The following GNRHR variants were observed in gnomAD, a reference collection of about 807,000 sequenced individuals.
GNRHR encodes the protein gonadotropin-releasing hormone receptor.
GNRHR carries 14 observed loss-of-function variants against 28.1 expected under a neutral mutation model. The observed-to-expected ratio is 0.50, with a 90% CI of 0.33 to 0.78. The LOEUF (loss-of-function observed/expected upper bound fraction) is 0.78, where lower values mean the gene tolerates loss of function less well. Among genes scored for constraint, GNRHR ranks in the 30% least tolerant of loss-of-function variants. The pLI, the probability that GNRHR is intolerant of heterozygous loss-of-function variation, is 0.02. For missense variants in GNRHR, 366 were observed against 382.1 expected, an observed-to-expected ratio of 0.96 and a Z score of 0.35; for synonymous variants, 141 against 140.5, an observed-to-expected ratio of 1.00 and a Z score of -0.02.
In GNRHR at chr4:67,738,252, G is replaced by A. The variant is rs539335431; in HGVS notation, c.*2228C>T. ...TTTATATATATACAAAGTCAACTAG[G>A]ACTTCTTAACCTTTTTTTGTGCTAT... On this transcript the variant is annotated 3_prime_UTR_variant, in exon 3 of 3. Transcript: ENST00000226413. Among the ~76,000 whole-genome samples, 1 of 151,556 alleles carries A rather than the reference G, an allele frequency of 6.6e-6. No homozygotes were observed. Among genetic ancestry groups the A allele is most frequent in the South Asian group, 2.1e-4 (1 of 4,798 alleles).
chr4:67,743,056 G>A (rs777522760), intron 2 of GNRHR, among the ~76,000 whole-genome samples: 4 of 151,976 alleles, frequency 2.6e-5, no homozygotes, highest in Non-Finnish European at 5.9e-5. Flanking sequence ...GGGTTCAAGT[G>A]ATTCTCTTGC....
intron 2 of GNRHR, among the ~76,000 whole-genome samples, chr4:67,743,479 C>T (rs1218295535): frequency 2.0e-5 from 3 of 152,176 alleles, no homozygotes; most frequent in Admixed American, 2.0e-4. Flanking sequence ...AGGATACTTA[C>T]TAGGTTTTTC....
At chr4:67,748,149 T>A (rs879706196) in intron 1 of GNRHR, among the ~76,000 whole-genome samples, 21 of 152,152 alleles carry the variant, frequency 1.4e-4, no homozygotes, top group Admixed American at 8.5e-4. Flanking sequence ...TTTTTCACAG[T>A]CAATTGCAGT....
At chr4:67,740,787 A>G (rs1731645383) in intron 2 of GNRHR, 63 bp from the exon 3 acceptor site, 1 of 1,195,676 alleles carries the variant, frequency 8.4e-7, no homozygotes, top group African/African-American at 1.5e-5. Flanking sequence ...CAAAGTGGAC[A>G]AAAAGGAAGA....
At chr4:67,742,216 G>A (rs1341212454) in intron 2 of GNRHR, among the ~76,000 whole-genome samples, 3 of 152,126 alleles carry the variant, frequency 2.0e-5, no homozygotes, top group Non-Finnish European at 4.4e-5. Flanking sequence ...TCCATCTTGA[G>A]TTGATTTTTG....
chr4:67,748,068 C>T (rs1389288856), intron 1 of GNRHR, among the ~76,000 whole-genome samples: 2 of 151,938 alleles, frequency 1.3e-5, no homozygotes, highest in African/African-American at 4.8e-5. Context: ...TATTTCTCCT[C>T]TCTTGCCCCT....
Position 67,740,588 on chromosome 4 carries a change from A to T in GNRHR, c.879T>A (p.Asp293Glu), listed in dbSNP as rs1275111761. ...CTGACAACCTGTTTAACATTTCAGG[A>T]TCAAACCAATACCAAATTCCTAGGA... is the stretch of plus-strand genomic sequence containing the variant. ...YYVLGIWYWF[D>E]PEMLNRLSDP... Residue 293 changes from aspartate (D) to glutamate (E), a missense_variant, in exon 3 of 3, where the codon GAT becomes GAA. Transcript: ENST00000226413. The T allele has an allele frequency of 6.2e-7, 1 of 1,612,786 alleles. No individual in the cohort carries two copies. Among genetic ancestry groups the T allele is most frequent in the Admixed American group, 1.7e-5 (1 of 59,996 alleles).
In GNRHR at chr4:67,753,881, T is replaced by C. The variant is rs182806311; in HGVS notation, c.455A>G (p.Asn152Ser). 1.6e-4 allele frequency: 258 copies of C among 1,614,020 alleles called. No homozygotes were observed. The highest frequency in any genetic ancestry group is 2.0e-4 in the Non-Finnish European group (240 of 1,179,968). The change falls in exon 1 of 3, where the codon AAC becomes AGC. Residue 152 changes from asparagine to serine, a missense_variant. By Grantham distance (46) the Asn-to-Ser change is conservative. Coordinates refer to ENST00000226413, the MANE Select transcript of GNRHR (RefSeq NM_000406.3). ...AITRPLALKS[N>S]SKVGQSMVGL... ...AACCATGGACTGTCCGACTTTGCTG[T>C]TGCTTTTCAAAGCTAGGGGCCTCGT...
In GNRHR at chr4:67,754,088, A is replaced by G; in HGVS notation, c.248T>C (p.Leu83Pro). 6.2e-7 allele frequency: 1 copy of G among 1,614,250 alleles called. No individual in the cohort carries two copies. The change falls in exon 1 of 3, where the codon CTG (leucine) becomes CCG (proline). Residue 83 changes from leucine (L) to proline (P), a missense_variant. Leu to Pro is a moderately conservative substitution (Grantham distance 98). Transcript: ENST00000226413. ...AGTCTCCAACAGGTTGGCTAAGGTC[A>G]GATGTTTTAAGAGCAGCTTCATTCT... is the stretch of plus-strand genomic sequence containing the variant. Reference protein sequence around the residue: ...LSRMKLLLKHLTLANLLETLI... With the variant: ...LSRMKLLLKHPTLANLLETLI...
chr4:67,751,729 C>T (rs181167112), intron 1 of GNRHR: 177 of 152,300 alleles, frequency 1.2e-3, no homozygotes, highest in African/African-American at 4.0e-3. Context: ...GTTTGCCCTT[C>T]AGTTATTATT....
rs1731611202 is a variant in GNRHR at position 67,739,256 on chromosome 4, A to G, written c.*1224T>C. 1 of 151,996 alleles carries G rather than the reference A, an allele frequency of 6.6e-6. No individual in the cohort carries two copies. Among genetic ancestry groups the G allele is most frequent in the Non-Finnish European group, 1.5e-5 (1 of 67,894 alleles). 9.4% of individuals were successfully genotyped at this position (151,996 alleles called of 1,614,324 possible). ...CTTGTTGTGCAGACATATTTTGGAA[A>G]CCATACTATTTAATGTGAATATCAG... On this transcript the variant is annotated 3_prime_UTR_variant, in exon 3 of 3. Coordinates refer to ENST00000226413, the MANE Select transcript of GNRHR (RefSeq NM_000406.3).
At position 67,753,070 on chromosome 4, in the gene GNRHR, T is replaced by C. The variant is rs146091435; in HGVS notation, c.522+744A>G. On this transcript the variant is annotated intron_variant, in intron 1 of 2. Transcript: ENST00000226413. ...TGGCAGGTTCAGCAGGTCAGTTAAC[T>C]AGGCTGCTTCTGGTGAAGGCAACCT... Among the ~76,000 whole-genome samples the C allele has an allele frequency of 3.5e-3, 531 of 152,354 alleles. 5 individuals are homozygous for C. Among genetic ancestry groups the C allele is most frequent in the African/African-American group, 0.012 (499 of 41,590 alleles).
intron 1 of GNRHR, 168 bp downstream of exon 1, chr4:67,753,646 G>A: frequency 1.6e-6 from 1 of 634,926 alleles, no homozygotes; most frequent in Non-Finnish European, 2.8e-6. Context: ...AGGTTAAGAA[G>A]TTTGCCCAAG....
intron 1 of GNRHR, among the ~76,000 whole-genome samples, chr4:67,748,383 A>G (rs779961722): frequency 5.9e-5 from 9 of 152,144 alleles, no homozygotes; most frequent in Non-Finnish European, 1.3e-4. Flanking sequence ...ACAGCACTTT[A>G]TAAATCTTTA....
In GNRHR at chr4:67,739,465, A is replaced by G. The variant is rs1233457932; in HGVS notation, c.*1015T>C. On this transcript the variant is annotated 3_prime_UTR_variant, in exon 3 of 3. Coordinates refer to ENST00000226413, the MANE Select transcript of GNRHR (RefSeq NM_000406.3). The stretch of plus-strand genomic sequence containing the variant: ...AAGATCTTTCCCTCCTTCCCCTGAC[A>G]TGTTCTGTCTTCTTTGATCTGTACA... 3 of 152,026 alleles carry G rather than the reference A, an allele frequency of 2.0e-5. No homozygotes were observed. Among genetic ancestry groups the G allele is most frequent in the Admixed American group, 1.3e-4 (2 of 15,238 alleles). The allele number at this position is 152,026 out of a possible 1,614,324, so 9.4% of individuals were successfully genotyped here. A position where few individuals can be genotyped will look rare whatever the true frequency, so the allele number is the denominator to read the frequency against.
In GNRHR at chr4:67,737,467, C is replaced by A. The variant is rs1479546313; in HGVS notation, c.*3013G>T. Among the ~76,000 whole-genome samples the A allele has an allele frequency of 6.6e-6, 1 of 151,770 alleles. No homozygotes were observed. The highest frequency in any genetic ancestry group is 1.5e-5 in the Non-Finnish European group (1 of 67,846). On this transcript the variant is annotated 3_prime_UTR_variant, in exon 3 of 3. Transcript: ENST00000226413. The stretch of plus-strand genomic sequence containing the variant: ...CATTGGTTCAATGTAGGAAAGTGGA[C>A]CACAGGTAAAATAGATGGAGTTCTA...
chr4:67,753,708 A>C, intron 1 of GNRHR, 106 bp downstream of exon 1: 1 of 981,722 alleles, frequency 1.0e-6, no homozygotes, highest in Admixed American at 2.1e-5. Flanking sequence ...CCAGAACCCA[A>C]GCTCTTAAAG....
At chr4:67,745,432 C>T (rs573634112) in intron 1 of GNRHR, among the ~76,000 whole-genome samples, 5 of 151,894 alleles carry the variant, frequency 3.3e-5, no homozygotes, top group Non-Finnish European at 7.4e-5. Context: ...TGAGCCCATA[C>T]TTATAAAAAT....
chr4:67,750,858 T>A (rs540671837), intron 1 of GNRHR, among the ~76,000 whole-genome samples: 71 of 152,186 alleles, frequency 4.7e-4, no homozygotes, highest in Non-Finnish European at 8.8e-4. Flanking sequence ...CCACAGAGCA[T>A]GGTGAAGCAT....
Sources: allele counts gnomAD v4.1 joint callset (sites outside exome capture counted in the v4.1 genomes callset), GRCh38; gene constraint gnomAD v4.1.1; transcripts MANE v1.5; gene names NCBI Gene and HGNC (gene_info 2026-07-23, HGNC 2026-07-21).